Variants in TYR observed in about 807,000 individuals in gnomAD.
TYR encodes the protein tyrosinase, also known as LB24-AB.
In TYR, 58 loss-of-function variants were observed where a neutral mutation model predicts 51.5. The observed-to-expected ratio is 1.13, with a 90% CI of 0.91 to 1.40. The LOEUF (loss-of-function observed/expected upper bound fraction) is 1.40, where lower values mean the gene tolerates loss of function less well. TYR is among the 40% of genes most tolerant of loss of function. The pLI is 0.00. For missense variants in TYR, 732 were observed against 647.4 expected, an observed-to-expected ratio of 1.13 and a Z score of -1.42; for synonymous variants, 263 against 235.2, an observed-to-expected ratio of 1.12 and a Z score of -1.08.
At position 89,295,537 on chromosome 11, in the gene TYR, TTGTC is replaced by T. The variant is rs1350043218; in HGVS notation, c.*173_*176del. On this transcript the variant is annotated 3_prime_UTR_variant, in exon 5 of 5. Transcript: ENST00000263321. ...CAACTCAGGTAGAACACACCTGTCT[TTGTC>T]TTGCTGTTTTCACTCAGCCCTTTTA... 1.3e-6 allele frequency: 1 copy of T among 795,122 alleles called. No individual in the cohort carries two copies. The highest frequency in any genetic ancestry group is 2.0e-6 in the Non-Finnish European group (1 of 493,186). The allele number at this position is 795,122 out of a possible 1,614,324, so 49.3% of individuals were successfully genotyped here.
intron 3 of TYR, among the ~76,000 whole-genome samples, chr11:89,275,566 T>C (rs2135317883): frequency 6.6e-6 from 1 of 152,046 alleles, no homozygotes; most frequent in East Asian, 1.9e-4. Flanking sequence ...AGCAAGATAT[T>C]GTTCAAAGGA....
rs1944892300 is a variant in TYR at position 89,295,144 on chromosome 11, C to T, written c.1368C>T (p.Asp456=). The T allele has an allele frequency of 6.2e-7, 1 of 1,613,890 alleles. No individual in the cohort carries two copies. Among genetic ancestry groups the T allele is most frequent in the Non-Finnish European group, 8.5e-7 (1 of 1,179,856 alleles). ...GYDYSYLQDS[D]PDSFQDYIKS... ...CAATGGGATGTCTTTTTATTTCAGA[C>T]CCAGACTCTTTTCAAGACTACATTA... The change falls in exon 5 of 5, where the codon GAC becomes GAT. Residue 456 remains aspartate (D), a splice_region_variant and synonymous_variant. Coordinates refer to ENST00000263321, the MANE Select transcript of TYR (RefSeq NM_000372.5).
chr11:89,191,306 A>G lies in TYR; in HGVS notation c.924A>G (p.Arg308=), dbSNP rs878957216. 1.2e-6 allele frequency: 2 copies of G among 1,613,758 alleles called. No homozygotes were observed. The highest frequency in any genetic ancestry group is 1.7e-5 in the Admixed American group (1 of 59,944). The change falls in exon 2 of 5, where the codon AGA becomes AGG. Residue 308 remains arginine (R), a synonymous_variant. Transcript: ENST00000263321. ...RRNPGNHDKS[R]TPRLPSSADV... is the part of the protein sequence containing the mutation. ...ATCCTGGAAACCATGACAAATCCAG[A>G]ACCCCAAGGCTCCCCTCTTCAGCTG...
intron 3 of TYR, among the ~76,000 whole-genome samples, chr11:89,257,310 T>C (rs1409693717): frequency 6.6e-6 from 1 of 151,972 alleles, no homozygotes; most frequent in Non-Finnish European, 1.5e-5. Context: ...CTCCCATACA[T>C]AGGTAAATTT....
intron 3 of TYR, among the ~76,000 whole-genome samples, chr11:89,259,215 T>G (rs1944429573): frequency 6.6e-6 from 1 of 152,118 alleles, no homozygotes; most frequent in African/African-American, 2.4e-5. Context: ...ACGATGACTA[T>G]AGCACTCTCC....
At chr11:89,272,439 TATTC>T (rs1944599901) in intron 3 of TYR, among the ~76,000 whole-genome samples, 1 of 151,584 alleles carries the variant, frequency 6.6e-6, no homozygotes. Flanking sequence ...GGACTTGAAA[TATTC>T]AGTAAATCAT....
At chr11:89,290,284 A>G (rs1247260713) in intron 4 of TYR, among the ~76,000 whole-genome samples, 2 of 152,012 alleles carry the variant, frequency 1.3e-5, no homozygotes, top group Non-Finnish European at 1.5e-5. Context: ...GTTGAGAAAT[A>G]AAAGTATCTC....
At chr11:89,223,349 A>C (rs573544733) in intron 2 of TYR, among the ~76,000 whole-genome samples, 1 of 152,326 alleles carries the variant, frequency 6.6e-6, no homozygotes, top group East Asian at 1.9e-4. Context: ...AACAGAGTCA[A>C]ATCTCAGCCA....
At chr11:89,281,831 T>A (rs1253029469) in intron 3 of TYR, among the ~76,000 whole-genome samples, 1 of 151,838 alleles carries the variant, frequency 6.6e-6, no homozygotes, top group African/African-American at 2.4e-5. Flanking sequence ...TGTTCATCTT[T>A]ACATTTTTCT....
chr11:89,256,234 G>C (rs1180706290), intron 3 of TYR, among the ~76,000 whole-genome samples: 1 of 151,692 alleles, frequency 6.6e-6, no homozygotes, highest in Non-Finnish European at 1.5e-5. Context: ...AGAGCAACTT[G>C]GATGTGTGAA....
chr11:89,202,537 G>A (rs916092315), intron 2 of TYR, among the ~76,000 whole-genome samples: 1 of 151,108 alleles, frequency 6.6e-6, no homozygotes, highest in Non-Finnish European at 1.5e-5. Flanking sequence ...TTGGTTTTAG[G>A]GTTTTACATA....
chr11:89,285,617 T>C (rs193192644), intron 4 of TYR, among the ~76,000 whole-genome samples: 31 of 151,946 alleles, frequency 2.0e-4, no homozygotes, highest in Admixed American at 1.8e-3. Context: ...GAACAGATAG[T>C]AGTGTTTCCT....
At chr11:89,188,136 C>G (rs1943400531) in intron 1 of TYR, among the ~76,000 whole-genome samples, 1 of 151,084 alleles carries the variant, frequency 6.6e-6, no homozygotes. Flanking sequence ...CCTAGACCTA[C>G]TCCACTAGAA....
chr11:89,198,569 G>A (rs1456052870), intron 2 of TYR, among the ~76,000 whole-genome samples: 1 of 152,016 alleles, frequency 6.6e-6, no homozygotes, highest in Non-Finnish European at 1.5e-5. Context: ...ATTCCTATGT[G>A]CCAGACATTA....
intron 2 of TYR, among the ~76,000 whole-genome samples, chr11:89,222,706 T>C (rs894365807): frequency 8.6e-5 from 13 of 152,042 alleles, no homozygotes; most frequent in African/African-American, 3.1e-4. Flanking sequence ...ACCACTGCAC[T>C]CCAGCCTGGG....
At chr11:89,191,605 C>T (rs11018526) in intron 2 of TYR, among the ~76,000 whole-genome samples, 187 bp downstream of exon 2, 6 of 152,050 alleles carry the variant, frequency 3.9e-5, no homozygotes, top group Non-Finnish European at 8.8e-5. Flanking sequence ...AACGTGTTAG[C>T]TTCAGGAGCC....
chr11:89,293,112 T>C (rs1278603035), intron 4 of TYR, among the ~76,000 whole-genome samples: 7 of 151,980 alleles, frequency 4.6e-5, no homozygotes, highest in Non-Finnish European at 1.0e-4. Flanking sequence ...GATTCTTATA[T>C]GGCTACTATT....
chr11:89,276,516 A>C (rs554808453), intron 3 of TYR, among the ~76,000 whole-genome samples: 2 of 151,744 alleles, frequency 1.3e-5, no homozygotes, highest in Non-Finnish European at 3.0e-5. Flanking sequence ...TTTTTTTTAA[A>C]GTATGATTTC....
At chr11:89,257,666 A>G (rs1467633862) in intron 3 of TYR, among the ~76,000 whole-genome samples, 2 of 152,066 alleles carry the variant, frequency 1.3e-5, no homozygotes, top group Non-Finnish European at 2.9e-5. Flanking sequence ...AGGACCAGGA[A>G]AGAAAAGATG....
Sources: allele counts gnomAD v4.1 joint callset (sites outside exome capture counted in the v4.1 genomes callset), GRCh38; gene constraint gnomAD v4.1.1; transcripts MANE v1.5; gene names NCBI Gene and HGNC (gene_info 2026-07-23, HGNC 2026-07-21).